The following ALOXE3 variants were observed in gnomAD, a reference collection of about 807,000 sequenced individuals.
ALOXE3 encodes the protein arachidonate epidermal lipoxygenase 3.
Under a neutral mutation model 87.5 loss-of-function variants are expected in ALOXE3, and 78 were observed. The observed-to-expected ratio is 0.89, with a 90% confidence interval of 0.74 to 1.08. The LOEUF is 1.08. ALOXE3 is among the 50% of genes least tolerant of loss of function. ALOXE3 has a pLI of 0.00. For synonymous variants in ALOXE3, 363 were observed against 370.8 expected (o/e 0.98, Z 0.24); for missense variants, 946 against 912.4 (o/e 1.04, Z -0.47).
chr17:8,117,964 G>T lies in ALOXE3; in HGVS notation c.27C>A (p.Thr9=). The part of the protein sequence containing the change: MAVYRLCV[T]TGPYLRAGTL... Reference sequence around the variant, plus strand: ...TGCCGGCCCTCAGGTAGGGACCAGTGGTCACACACAGGCGGTACACTGCCA... The same window carrying T: ...TGCCGGCCCTCAGGTAGGGACCAGTTGTCACACACAGGCGGTACACTGCCA... The change falls in exon 2 of 16, where the codon ACC becomes ACA. Residue 9 remains threonine (T), a synonymous_variant. Coordinates refer to ENST00000448843, the MANE Select transcript of ALOXE3 (RefSeq NM_021628.3). 6.2e-7 allele frequency: 1 copy of T among 1,612,160 alleles called. No individual in the cohort carries two copies. The highest frequency in any genetic ancestry group is 8.5e-7 in the Non-Finnish European group (1 of 1,179,748).
chr17:8,105,259 C>A lies in ALOXE3; in HGVS notation c.1685-1044G>T, dbSNP rs183175561. On this transcript the variant is annotated intron_variant, in intron 13 of 15. Transcript: ENST00000448843. ...GCCTTCCTGATAGTTCTCAAATGCA[C>A]CAGCACATTCAGAATTCAGGGCCTG... Among the ~76,000 whole-genome samples the A allele has an allele frequency of 1.3e-4, 20 of 152,276 alleles. No individual in the cohort carries two copies. In the East Asian group the frequency reaches 3.7e-3, roughly 28 times the overall value.
intron 11 of ALOXE3, among the ~76,000 whole-genome samples, chr17:8,109,671 G>A (rs1979841044): frequency 1.3e-5 from 2 of 151,614 alleles, no homozygotes; most frequent in Admixed American, 6.6e-5. Flanking sequence ...CGGCGGGGCT[G>A]GGGGCGGTGG....
chr17:8,115,596 G>A lies in ALOXE3; in HGVS notation c.434+11C>T. On this transcript the variant is annotated intron_variant, in intron 4 of 15. Transcript: ENST00000448843. ...AAGATGGGGAAAGAAGTCAAATTAG[G>A]CCACCCTCACCGGTAGCATTCTTGT... The A allele has an allele frequency of 4.3e-6, 7 of 1,609,378 alleles. No homozygotes were observed. Among genetic ancestry groups the A allele is most frequent in the Non-Finnish European group, 6.0e-6 (7 of 1,175,694 alleles).
At chr17:8,118,858 C>T (rs933710879), upstream of ALOXE3, 2 of 1,530,488 alleles carry the variant, frequency 1.3e-6, no homozygotes, top group African/African-American at 1.4e-5. Context: ...CCACTAGGGA[C>T]TGGGGAGGAA....
Position 8,117,951 on chromosome 17 carries a change from G to T in ALOXE3, c.40C>A (p.Leu14Met). The T allele has an allele frequency of 6.2e-7, 1 of 1,612,260 alleles. No individual in the cohort carries two copies. ...ATGTTGTCCAGTGTGCCGGCCCTCA[G>T]GTAGGGACCAGTGGTCACACACAGG... ...YRLCVTTGPY[L>M]RAGTLDNISV... The change falls in exon 2 of 16, where the codon CTG becomes ATG. Residue 14 changes from leucine (L) to methionine (M), a missense_variant. Leu to Met is a conservative substitution (Grantham distance 15, BLOSUM62 2). Coordinates refer to ENST00000448843, the MANE Select transcript of ALOXE3 (RefSeq NM_021628.3).
At chr17:8,112,227 T>A (rs772045805) in intron 6 of ALOXE3, 31 bp from the exon 7 acceptor site, 1 of 1,549,130 alleles carries the variant, frequency 6.5e-7, no homozygotes, top group Non-Finnish European at 8.9e-7. Context: ...GAGGGTGAGG[T>A]CTGGGGGCTA....
At chr17:8,115,409 T>A (rs1980499684) in intron 4 of ALOXE3, among the ~76,000 whole-genome samples, 198 bp downstream of exon 4, 1 of 152,168 alleles carries the variant, frequency 6.6e-6, no homozygotes, top group Non-Finnish European at 1.5e-5. Context: ...GATTCATTGG[T>A]GGTGTTGGGA....
Position 8,114,548 on chromosome 17 carries a change from TG to T in ALOXE3, c.615del (p.Tyr205Ter). ...PMKIDIPSLM[Y>X]MEPNVRYSAT... ...GCTGAGTATCGAACATTGGGCTCCA[TG>T]TACATCAGGGATGGGATGTCAATTT... is the stretch of plus-strand genomic sequence containing the variant. On this transcript the variant is annotated frameshift_variant, in exon 6 of 16. Coordinates refer to ENST00000448843, the MANE Select transcript of ALOXE3 (RefSeq NM_021628.3). LOFTEE classifies it high-confidence loss of function. The T allele has an allele frequency of 6.2e-7, 1 of 1,613,742 alleles. No individual in the cohort carries two copies. Among genetic ancestry groups the T allele is most frequent in the Non-Finnish European group, 8.5e-7 (1 of 1,179,922 alleles).
chr17:8,097,396 A>G (rs1241308184), intron 15 of ALOXE3, among the ~76,000 whole-genome samples: 1 of 152,212 alleles, frequency 6.6e-6, no homozygotes, highest in Non-Finnish European at 1.5e-5. Flanking sequence ...AACACTGCCC[A>G]GGAAATATAC....
Position 8,110,262 on chromosome 17 carries a change from A to T in ALOXE3, c.1135T>A (p.Phe379Ile). Residue 379 changes from phenylalanine (F) to isoleucine (I), a missense_variant, in exon 10 of 16, where the codon TTC (phenylalanine) becomes ATC (isoleucine). Coordinates refer to ENST00000448843, the MANE Select transcript of ALOXE3 (RefSeq NM_021628.3). The stretch of plus-strand genomic sequence containing the variant: ...TCCCATTCGGAGTCAGTGGGCAGGA[A>T]GATGGGGCTGTCAGGCCCGGGGGTC... ...SQTPGPDSPI[F>I]LPTDSEWDWL... 6.2e-7 allele frequency: 1 copy of T among 1,614,044 alleles called. No homozygotes were observed. The highest frequency in any genetic ancestry group is 8.5e-7 in the Non-Finnish European group (1 of 1,179,916).
Position 8,115,625 on chromosome 17 carries a change from G to T in ALOXE3, c.416C>A (p.Ala139Asp), listed in dbSNP as rs1424405315. The change falls in exon 4 of 16, where the codon GCC (alanine) becomes GAC (aspartate). Residue 139 changes from alanine (A) to aspartate (D), a missense_variant. Coordinates refer to ENST00000448843, the MANE Select transcript of ALOXE3 (RefSeq NM_021628.3). ...LLDHRTRELR[A>D]RQECYRWKIY... ...CCCTCACCGGTAGCATTCTTGTCGGGCCCGGAGCTCCCGTGTCCTGTGATC... is the reference window on the plus strand; with the variant it reads ...CCCTCACCGGTAGCATTCTTGTCGGTCCCGGAGCTCCCGTGTCCTGTGATC... 2 of 1,613,798 alleles carry T rather than the reference G, an allele frequency of 1.2e-6. No individual in the cohort carries two copies. The highest frequency in any genetic ancestry group is 1.3e-5 in the African/African-American group (1 of 74,906).
intron 15 of ALOXE3, among the ~76,000 whole-genome samples, chr17:8,098,883 C>T (rs1245782881): frequency 2.0e-5 from 3 of 152,010 alleles, no homozygotes; most frequent in Non-Finnish European, 4.4e-5. Context: ...CAGGGTCTCA[C>T]TCTGTCACCC....
chr17:8,117,770 C>A (rs757144620), intron 2 of ALOXE3, 74 bp downstream of exon 2: 1 of 1,558,616 alleles, frequency 6.4e-7, no homozygotes, highest in Non-Finnish European at 8.7e-7. Flanking sequence ...TCTCAAGAGT[C>A]CAGGAGGAAT....
At position 8,114,553 on chromosome 17, in the gene ALOXE3, A is replaced by G; in HGVS notation, c.611T>C (p.Met204Thr). The G allele has an allele frequency of 1.2e-6, 2 of 1,614,050 alleles. No individual in the cohort carries two copies. The highest frequency in any genetic ancestry group is 1.7e-6 in the Non-Finnish European group (2 of 1,179,974). ...GTATCGAACATTGGGCTCCATGTAC[A>G]TCAGGGATGGGATGTCAATTTTCAT... ...FPMKIDIPSL[M>T]YMEPNVRYSA... The change falls in exon 6 of 16, where the codon ATG (methionine) becomes ACG (threonine). Residue 204 changes from methionine to threonine, a missense_variant. By Grantham distance (81) the Met-to-Thr change is moderately conservative (BLOSUM62 -1). Transcript: ENST00000448843.
In ALOXE3 at chr17:8,109,224, G is replaced by A. The variant is rs905397929; in HGVS notation, c.1512C>T (p.Pro504=). The A allele has an allele frequency of 2.5e-6, 4 of 1,613,898 alleles. No homozygotes were observed. In the African/African-American group the frequency reaches 4.0e-5, roughly 16 times the overall value. The change falls in exon 12 of 16, where the codon CCC becomes CCT. Residue 504 remains proline, a synonymous_variant. Transcript: ENST00000448843. The part of the protein sequence containing the change: ...SLRARGVLAI[P]NYHYRDDGLK... ...GGCCGTCGTCTCGGTAGTGGTAGTT[G>A]GGGATAGCCAGGACGCCGCGGGCCC...
chr17:8,117,419 T>C (rs2151847865), intron 2 of ALOXE3, among the ~76,000 whole-genome samples: 1 of 152,204 alleles, frequency 6.6e-6, no homozygotes, highest in African/African-American at 2.4e-5. Flanking sequence ...AAACTCCATC[T>C]CAAAAAGAAA....
rs1021065870 is a variant in ALOXE3 at position 8,110,216 on chromosome 17, C to G, written c.1181G>C (p.Trp394Ser). 6.2e-7 allele frequency: 1 copy of G among 1,613,996 alleles called. No homozygotes were observed. Among genetic ancestry groups the G allele is most frequent in the African/African-American group, 1.3e-5 (1 of 74,928 alleles). The change falls in exon 10 of 16, where the codon TGG (tryptophan) becomes TCG (serine). Residue 394 changes from tryptophan to serine, a missense_variant. Transcript: ENST00000448843. The stretch of plus-strand genomic sequence containing the variant: ...CACCAGGAACTCAGAGTTGCGCACC[C>G]ACGTCTTGGCCAGCAGCCAGTCCCA... Reference protein sequence around the residue: ...SEWDWLLAKTWVRNSEFLVHE... With the variant: ...SEWDWLLAKTSVRNSEFLVHE...
chr17:8,110,374 G>C lies in ALOXE3; in HGVS notation c.1101+11C>G. Reference sequence around the variant, plus strand: ...TGAGCCCCCATCCCGGGGCGGCGGCGCCGGGCTCACCTGGATGGCCAAGGG... The same window carrying C: ...TGAGCCCCCATCCCGGGGCGGCGGCCCCGGGCTCACCTGGATGGCCAAGGG... On this transcript the variant is annotated intron_variant, in intron 9 of 15. Transcript: ENST00000448843. 1 of 1,604,236 alleles carries C rather than the reference G, an allele frequency of 6.2e-7. No individual in the cohort carries two copies. Among genetic ancestry groups the C allele is most frequent in the Non-Finnish European group, 8.5e-7 (1 of 1,173,888 alleles).
intron 1 of ALOXE3, 49 bp downstream of exon 1, chr17:8,118,437 C>G (rs1414509526): frequency 6.4e-7 from 1 of 1,550,636 alleles, no homozygotes; most frequent in Admixed American, 2.0e-5. Flanking sequence ...CCCAATGTCC[C>G]CCAAGATCTG....
Sources: allele counts gnomAD v4.1 joint callset (sites outside exome capture counted in the v4.1 genomes callset), GRCh38; gene constraint gnomAD v4.1.1; transcripts MANE v1.5; gene names NCBI Gene and HGNC (gene_info 2026-07-23, HGNC 2026-07-21).